OSBP2: variants seen among roughly 807,000 people sequenced by gnomAD.
OSBP2 encodes the protein oxysterol-binding protein 2.
OSBP2 carries 66 observed loss-of-function variants against 96.0 expected under a neutral mutation model. The observed-to-expected ratio is 0.69, with a 90% CI of 0.56 to 0.84. OSBP2 has a LOEUF of 0.84. Ranked by LOEUF, OSBP2 falls within the 40% of genes least tolerant of loss-of-function variation. The pLI, the probability that OSBP2 is intolerant of heterozygous loss-of-function variation, is 0.00. For synonymous variants in OSBP2, 525 were observed against 520.9 expected (o/e 1.01, Z -0.11); for missense variants, 1,038 against 1,222.7 (o/e 0.85, Z 2.25).
chr22:30,695,371 A>T lies in OSBP2; in HGVS notation c.462A>T (p.Arg154=), dbSNP rs2089008855. The T allele has an allele frequency of 6.2e-7, 1 of 1,613,764 alleles. No homozygotes were observed. The highest frequency in any genetic ancestry group is 1.7e-5 in the Admixed American group (1 of 60,004). The part of the protein sequence containing the change: ...LPALKPLPLL[R]PGQAKTPLGV... ...CGTTAAAGCCCCTGCCTCTTCTGCG[A>T]CCAGGACAGGCGAAGACTCCTCTTG... The change falls in exon 1 of 14, where the codon CGA becomes CGT. Residue 154 remains arginine, a synonymous_variant. Transcript: ENST00000332585.
rs1569100682 is a variant in OSBP2 at position 30,730,802 on chromosome 22, ATATATAATT to A, written c.645-10357_645-10349del. 2.4e-3 allele frequency among the ~76,000 whole-genome samples: 119 copies of A among 49,350 alleles called. 8 individuals carry two copies. Among genetic ancestry groups the A allele is most frequent in the South Asian group, 9.1e-3 (10 of 1,096 alleles). 32.4% of individuals were successfully genotyped at this position (49,350 alleles called of 152,430 possible). A position where few individuals can be genotyped will look rare whatever the true frequency, so the allele number is the denominator to read the frequency against. On this transcript the variant is annotated intron_variant, in intron 1 of 13. Transcript: ENST00000332585. ...TATATATATATATATATATATATAT[ATATATAATT>A]TTTTTTTTTTTTCCCATGGACATTT...
intron 2 of OSBP2, among the ~76,000 whole-genome samples, chr22:30,785,538 G>A (rs757140017): frequency 6.8e-6 from 1 of 147,872 alleles, no homozygotes; most frequent in Admixed American, 6.8e-5. Flanking sequence ...TTGCACTCCA[G>A]TGTGGGTGAC....
intron 12 of OSBP2, among the ~76,000 whole-genome samples, chr22:30,899,917 C>T (rs760580671): frequency 1.2e-4 from 19 of 152,070 alleles, no homozygotes; most frequent in African/African-American, 2.7e-4. Context: ...GATTAATATA[C>T]GAAAGCCAGT....
chr22:30,805,878 C>T (rs2090921984), intron 2 of OSBP2, among the ~76,000 whole-genome samples: 3 of 152,192 alleles, frequency 2.0e-5, no homozygotes, highest in African/African-American at 7.2e-5. Flanking sequence ...CGTGAGGAGT[C>T]TGTTCAGAGA....
At chr22:30,806,970 C>G (rs569596457) in intron 2 of OSBP2, among the ~76,000 whole-genome samples, 137 of 152,304 alleles carry the variant, frequency 9.0e-4, no homozygotes, top group Middle Eastern at 6.8e-3. Context: ...GCCTGAGTTC[C>G]AGGCATTGAA....
chr22:30,831,654 G>A (rs1488958659), intron 2 of OSBP2, among the ~76,000 whole-genome samples: 1 of 152,160 alleles, frequency 6.6e-6, no homozygotes, highest in Non-Finnish European at 1.5e-5. Flanking sequence ...CAAGGGTAGG[G>A]CCCTTCTGAA....
Position 30,890,899 on chromosome 22 carries a change from T to C in OSBP2, c.1795T>C (p.Phe599Leu). Residue 599 changes from phenylalanine (F) to leucine (L), a missense_variant, in exon 8 of 14, where the codon TTC becomes CTC. This residue lies in a region of OSBP2 where 737 missense variants were observed against 913.3 expected (regional missense o/e 0.81). Coordinates refer to ENST00000332585, the MANE Select transcript of OSBP2 (RefSeq NM_030758.4). The surrounding 1 kb of genome is among the most constrained non-coding windows in gnomAD (Gnocchi z 4.4). ...STTVHRIAKP[F>L]NPMLGETFEL... ...CACAGTGCACCGCATCGCCAAGCCC[T>C]TCAACCCCATGCTGGGGGAGACCTT... 6.2e-7 allele frequency: 1 copy of C among 1,613,452 alleles called. No individual in the cohort carries two copies. The highest frequency in any genetic ancestry group is 8.5e-7 in the Non-Finnish European group (1 of 1,180,026).
chr22:30,721,613 T>C (rs942225844), intron 1 of OSBP2, among the ~76,000 whole-genome samples: 1 of 152,204 alleles, frequency 6.6e-6, no homozygotes, highest in Non-Finnish European at 1.5e-5. Context: ...TGAAGCTTGA[T>C]GGGAGTCGCT....
Position 30,893,147 on chromosome 22 carries a change from C to T in OSBP2, c.1895C>T (p.Ala632Val), listed in dbSNP as rs763399836. Residue 632 changes from alanine (A) to valine (V), a missense_variant, in exon 9 of 14, where the codon GCG becomes GTG. Transcript: ENST00000332585. ...EQVSHHPPSAAHYVFSKHGWS... is the reference protein window; with the variant it reads ...EQVSHHPPSAVHYVFSKHGWS... ...GTGAGCCACCACCCCCCCTCAGCTG[C>T]GCACTACGTGTTCTCCAAGCATGGC... is the stretch of plus-strand genomic sequence containing the variant. The T allele has an allele frequency of 2.7e-5, 43 of 1,613,942 alleles. No homozygotes were observed. Among genetic ancestry groups the T allele is most frequent in the Non-Finnish European group, 2.2e-5 (26 of 1,179,960 alleles).
At chr22:30,741,685 CTG>C (rs1461809398) in intron 2 of OSBP2, among the ~76,000 whole-genome samples, 2 of 152,192 alleles carry the variant, frequency 1.3e-5, no homozygotes. Context: ...AGCAGTCAGT[CTG>C]TGCCTCAAGC....
intron 2 of OSBP2, among the ~76,000 whole-genome samples, chr22:30,839,419 G>T (rs937283911): frequency 1.6e-5 from 2 of 121,934 alleles, no homozygotes; most frequent in Admixed American, 7.8e-5. Context: ...CTGAGGAATC[G>T]CCACACTGAC....
chr22:30,904,794 A>G (rs564896255), intron 12 of OSBP2, among the ~76,000 whole-genome samples: 2 of 152,322 alleles, frequency 1.3e-5, no homozygotes, highest in South Asian at 2.1e-4. Flanking sequence ...TATGCCAAGT[A>G]TATTGTCTGA....
chr22:30,765,934 T>C (rs1426936497), intron 2 of OSBP2, among the ~76,000 whole-genome samples: 1 of 152,182 alleles, frequency 6.6e-6, no homozygotes, highest in Non-Finnish European at 1.5e-5. Flanking sequence ...GAATTATTGG[T>C]CATTAAAACT....
chr22:30,772,902 C>T (rs961893451), intron 2 of OSBP2, among the ~76,000 whole-genome samples: 1 of 147,680 alleles, frequency 6.8e-6, no homozygotes. Flanking sequence ...AAGCAATTCT[C>T]CTGCCTCAGC....
intron 2 of OSBP2, among the ~76,000 whole-genome samples, chr22:30,864,377 A>T (rs1196513065): frequency 6.6e-6 from 1 of 152,150 alleles, no homozygotes; most frequent in African/African-American, 2.4e-5. Context: ...CATTGAAGTG[A>T]CCCACAATGG....
intron 1 of OSBP2, among the ~76,000 whole-genome samples, chr22:30,730,108 G>A (rs866750787): frequency 2.0e-5 from 3 of 151,876 alleles, no homozygotes; most frequent in African/African-American, 4.8e-5. Context: ...GACTACAGGC[G>A]CATGCCACCA....
At chr22:30,698,737 CA>C (rs548273291) in intron 1 of OSBP2, among the ~76,000 whole-genome samples, 54 of 151,410 alleles carry the variant, frequency 3.6e-4, no homozygotes, top group Non-Finnish European at 6.1e-4. Context: ...TGCACCTGGC[CA>C]ACTTTTTAAC....
intron 2 of OSBP2, among the ~76,000 whole-genome samples, chr22:30,807,214 G>T (rs980500175): frequency 2.6e-5 from 4 of 151,996 alleles, no homozygotes; most frequent in Non-Finnish European, 5.9e-5. Flanking sequence ...CTCCTACCTT[G>T]AACTCCAGCC....
At chr22:30,850,221 GCTTGAAAC>G (rs2038953568) in intron 2 of OSBP2, among the ~76,000 whole-genome samples, 1 of 151,242 alleles carries the variant, frequency 6.6e-6, no homozygotes, top group African/African-American at 2.4e-5. Context: ...CAGGAGAATT[GCTTGAAAC>G]CCAGGAGGCG....
Sources: gnomAD v4.1 joint callset for allele counts (sites outside exome capture counted in the v4.1 genomes callset) on GRCh38, gnomAD v4.1.1 for gene constraint, gnomAD v4.1.1 regional missense constraint, Gnocchi (gnomAD v3.1) non-coding constraint, MANE v1.5 for transcripts, NCBI Gene and HGNC (gene_info 2026-07-23, HGNC 2026-07-21) for gene names.